ZMAT4: variants seen among roughly 807,000 people sequenced by gnomAD.
The protein encoded by ZMAT4 is zinc finger matrin-type protein 4.
A neutral mutation model predicts 28.7 loss-of-function variants in ZMAT4; 17 were observed. That is an observed-to-expected ratio of 0.59 (90% CI 0.41 to 0.89). The LOEUF (loss-of-function observed/expected upper bound fraction) is 0.89. Ranked by LOEUF, ZMAT4 falls within the 40% of genes least tolerant of loss-of-function variation. The pLI is 0.00. For missense variants in ZMAT4, 240 were observed against 283.8 expected, an observed-to-expected ratio of 0.85 and a Z score of 1.11; for synonymous variants, 117 against 109.2, an observed-to-expected ratio of 1.07 and a Z score of -0.44.
intron 5 of ZMAT4, among the ~76,000 whole-genome samples, chr8:40,604,893 G>A (rs2118633454): frequency 6.6e-6 from 1 of 152,082 alleles, no homozygotes; most frequent in South Asian, 2.1e-4. Flanking sequence ...ACCACTTCAG[G>A]CTCACTGCTT....
intron 1 of ZMAT4, chr8:40,884,574 A>G (rs938875269): frequency 6.6e-6 from 1 of 152,434 alleles, no homozygotes; most frequent in African/African-American, 2.4e-5. Flanking sequence ...CACGGCCTCT[A>G]CACTGCTCAC....
intron 6 of ZMAT4, among the ~76,000 whole-genome samples, chr8:40,533,347 C>T (rs1333731109): frequency 6.6e-6 from 1 of 152,144 alleles, no homozygotes; most frequent in Non-Finnish European, 1.5e-5. Context: ...GGGGATTTCT[C>T]GCATGCTGCT....
chr8:40,720,980 G>C (rs1292466163), intron 3 of ZMAT4, among the ~76,000 whole-genome samples: 1 of 151,962 alleles, frequency 6.6e-6, no homozygotes, highest in Non-Finnish European at 1.5e-5. Flanking sequence ...TTGTTTGTTT[G>C]TTTGTTTTTT....
intron 1 of ZMAT4, among the ~76,000 whole-genome samples, chr8:40,881,528 CAGAA>C (rs201960642): frequency 0.12 from 6,183 of 50,860 alleles, 140 homozygotes; most frequent in Middle Eastern, 0.2. Context: ...GAGAGAGAGA[CAGAA>C]AGAAAGAAAG....
At chr8:40,737,582 G>A (rs1049639430) in intron 3 of ZMAT4, among the ~76,000 whole-genome samples, 12 of 152,260 alleles carry the variant, frequency 7.9e-5, no homozygotes, top group Non-Finnish European at 1.2e-4. Flanking sequence ...CTACTGGCAC[G>A]GTCATTAGCA....
intron 2 of ZMAT4, among the ~76,000 whole-genome samples, chr8:40,820,661 ACG>A (rs1815743058): frequency 5.1e-5 from 1 of 19,580 alleles, no homozygotes. Context: ...GTGTGTGTTT[ACG>A]TGTATGTGTG....
chr8:40,881,456 AAAGAAAG>A (rs1285364190), intron 1 of ZMAT4, among the ~76,000 whole-genome samples: 1 of 143,540 alleles, frequency 7.0e-6, no homozygotes, highest in African/African-American at 2.7e-5. Flanking sequence ...AGAAAGAAAG[AAAGAAAG>A]AAAGAAAGAA....
At chr8:40,587,563 T>C (rs1585720512) in intron 5 of ZMAT4, among the ~76,000 whole-genome samples, 1 of 152,162 alleles carries the variant, frequency 6.6e-6, no homozygotes, top group South Asian at 2.1e-4. Flanking sequence ...GCAGTGATAA[T>C]TTAAGGTTGT....
rs577191143 is a variant in ZMAT4 at position 40,694,435 on chromosome 8, T to C, written c.349+2810A>G. On this transcript the variant is annotated intron_variant, in intron 4 of 6. Coordinates refer to ENST00000297737, the MANE Select transcript of ZMAT4 (RefSeq NM_024645.3). ...ATGCTTGTATTAAATGGTGGTGTCC[T>C]GCCATGGTCTTCTCAGCCTATCCTT... 1.2e-4 allele frequency among the ~76,000 whole-genome samples: 18 copies of C among 152,278 alleles called. No homozygotes were observed. The South Asian group carries it at 3.7e-3, about 32-fold the overall frequency.
chr8:40,566,462 T>G (rs1340538031), intron 6 of ZMAT4, among the ~76,000 whole-genome samples: 2 of 152,122 alleles, frequency 1.3e-5, no homozygotes, highest in East Asian at 3.9e-4. Context: ...AGGGTGGTCA[T>G]TCAATTTCCA....
chr8:40,557,685 C>G (rs1007904724), intron 6 of ZMAT4, among the ~76,000 whole-genome samples: 1 of 152,174 alleles, frequency 6.6e-6, no homozygotes, highest in African/African-American at 2.4e-5. Context: ...ATAACATCCC[C>G]TCTCTCTGGC....
At chr8:40,665,981 A>G (rs1808398437) in intron 5 of ZMAT4, among the ~76,000 whole-genome samples, 1 of 152,226 alleles carries the variant, frequency 6.6e-6, no homozygotes, top group Non-Finnish European at 1.5e-5. Context: ...TGAGAATTAC[A>G]ATAGAATAGT....
intron 4 of ZMAT4, among the ~76,000 whole-genome samples, chr8:40,691,468 T>A (rs1455987668): frequency 4.0e-5 from 6 of 151,162 alleles, no homozygotes; most frequent in African/African-American, 1.2e-4. Flanking sequence ...GAAGGCAGAA[T>A]GTCACCGTGT....
chr8:40,703,763 G>A (rs1355636887), intron 3 of ZMAT4, among the ~76,000 whole-genome samples: 1 of 152,156 alleles, frequency 6.6e-6, no homozygotes, highest in Admixed American at 6.5e-5. Context: ...TCAATATTCT[G>A]TTCTAGAGGA....
intron 5 of ZMAT4, among the ~76,000 whole-genome samples, chr8:40,654,062 A>G (rs1444192564): frequency 1.3e-5 from 2 of 152,214 alleles, no homozygotes; most frequent in South Asian, 2.1e-4. Context: ...AAATAGAGCC[A>G]GGTAAGCAGA....
intron 1 of ZMAT4, among the ~76,000 whole-genome samples, chr8:40,849,506 A>C (rs528404958): frequency 6.6e-6 from 1 of 152,326 alleles, no homozygotes; most frequent in East Asian, 1.9e-4. Flanking sequence ...AAAACTTGCA[A>C]AATGATTTCC....
At chr8:40,832,016 C>G (rs541349576) in intron 1 of ZMAT4, among the ~76,000 whole-genome samples, 1 of 152,324 alleles carries the variant, frequency 6.6e-6, no homozygotes, top group African/African-American at 2.4e-5. Flanking sequence ...AAGTAACTCA[C>G]CCAGAGGTCA....
intron 3 of ZMAT4, among the ~76,000 whole-genome samples, chr8:40,709,405 T>A (rs750717417): frequency 3.9e-5 from 6 of 152,174 alleles, no homozygotes; most frequent in Admixed American, 1.3e-4. Flanking sequence ...CACAAAAAAA[T>A]TTTTCAGTAA....
intron 4 of ZMAT4, among the ~76,000 whole-genome samples, chr8:40,682,906 C>T (rs1338651430): frequency 2.0e-5 from 3 of 152,182 alleles, no homozygotes; most frequent in South Asian, 4.2e-4. Flanking sequence ...TGAAAATAAG[C>T]CATTAAATAG....
Sources: allele counts gnomAD v4.1 joint callset (sites outside exome capture counted in the v4.1 genomes callset), GRCh38; gene constraint gnomAD v4.1.1; transcripts MANE v1.5; gene names NCBI Gene and HGNC (gene_info 2026-07-23, HGNC 2026-07-21).